OSBP2: variants seen among roughly 807,000 people sequenced by gnomAD.
OSBP2 encodes the protein oxysterol binding protein 2, also known as oxysterol-binding protein 2.
In OSBP2, 66 loss-of-function variants were observed where a neutral mutation model predicts 96.0. That is an observed-to-expected ratio of 0.69 (90% CI 0.56 to 0.84). The LOEUF (loss-of-function observed/expected upper bound fraction) is 0.84. Ranked by LOEUF, OSBP2 falls within the 40% of genes least tolerant of loss-of-function variation. The probability of loss-of-function intolerance (pLI) is 0.00; values close to 1 mark genes in which losing one functional copy is unlikely to be tolerated. For missense variants in OSBP2, 1,038 were observed against 1,222.7 expected (o/e 0.85, Z 2.25); for synonymous variants, 525 against 520.9 (o/e 1.01, Z -0.11).
intron 3 of OSBP2, among the ~76,000 whole-genome samples, chr22:30,875,381 T>C (rs987615458): frequency 1.3e-5 from 2 of 151,930 alleles, no homozygotes; most frequent in Admixed American, 6.5e-5. Flanking sequence ...TTGTTTTTTT[T>C]TTTTCTTTGA....
At chr22:30,775,050 A>G (rs1044351950) in intron 2 of OSBP2, among the ~76,000 whole-genome samples, 1 of 152,158 alleles carries the variant, frequency 6.6e-6, no homozygotes, top group African/African-American at 2.4e-5. Flanking sequence ...TACTATTTTA[A>G]TATTGTGATA....
At chr22:30,730,772 CTCTATATA>C (rs1355582548) in intron 1 of OSBP2, among the ~76,000 whole-genome samples, 6 of 20,576 alleles carry the variant, frequency 2.9e-4, no homozygotes, top group African/African-American at 9.1e-4. Context: ...CTCTCTCTCT[CTCTATATA>C]TATATATATA....
intron 2 of OSBP2, among the ~76,000 whole-genome samples, chr22:30,848,729 C>T (rs1317932279): frequency 3.9e-5 from 6 of 152,104 alleles, no homozygotes; most frequent in African/African-American, 1.4e-4. Context: ...GAGGTTCATC[C>T]ATGTTATGTG....
chr22:30,825,849 C>T (rs1328047453), intron 2 of OSBP2, among the ~76,000 whole-genome samples: 1 of 152,144 alleles, frequency 6.6e-6, no homozygotes, highest in Non-Finnish European at 1.5e-5. Context: ...TCATACTGAG[C>T]CCAGCTCTGA....
upstream of OSBP2, chr22:30,694,026 C>A: frequency 1.3e-6 from 2 of 1,543,018 alleles, no homozygotes; most frequent in South Asian, 1.2e-5. Context: ...ATTCTGGGGT[C>A]ACAGCCTCCT....
intron 2 of OSBP2, among the ~76,000 whole-genome samples, chr22:30,835,923 T>C (rs1399324870): frequency 6.6e-6 from 1 of 152,118 alleles, no homozygotes; most frequent in East Asian, 1.9e-4. Flanking sequence ...TTCACTATGT[T>C]GCCCAGGCTG....
intron 3 of OSBP2, among the ~76,000 whole-genome samples, chr22:30,873,742 C>T (rs1023497191): frequency 5.3e-5 from 8 of 152,236 alleles, no homozygotes; most frequent in Admixed American, 1.3e-4. Flanking sequence ...GTGTGTTTTC[C>T]ACTTTGTGGG....
chr22:30,800,858 T>C (rs1431551597), intron 2 of OSBP2, among the ~76,000 whole-genome samples: 1 of 152,142 alleles, frequency 6.6e-6, no homozygotes, highest in East Asian at 1.9e-4. Flanking sequence ...GGGTCTTCAA[T>C]TTGTGGGCAT....
At chr22:30,724,930 T>C (rs948385164) in intron 1 of OSBP2, among the ~76,000 whole-genome samples, 5 of 152,052 alleles carry the variant, frequency 3.3e-5, no homozygotes, top group Non-Finnish European at 7.4e-5. Context: ...TCCCAGCACT[T>C]TGGGAGGCCG....
intron 2 of OSBP2, among the ~76,000 whole-genome samples, chr22:30,794,508 G>A (rs942991907): frequency 3.3e-5 from 5 of 151,566 alleles, no homozygotes; most frequent in East Asian, 3.9e-4. Context: ...CGAGTGATCC[G>A]CCCGCCTCAG....
intron 12 of OSBP2, among the ~76,000 whole-genome samples, chr22:30,904,906 T>C (rs953189721): frequency 7.2e-5 from 11 of 152,204 alleles, no homozygotes; most frequent in African/African-American, 2.4e-4. Flanking sequence ...AAGGCCAAGA[T>C]AGGCAGACCA....
chr22:30,825,051 TC>T (rs1398628003), intron 2 of OSBP2, among the ~76,000 whole-genome samples: 1 of 152,058 alleles, frequency 6.6e-6, no homozygotes, highest in Non-Finnish European at 1.5e-5. Context: ...GAAGAACAGA[TC>T]CCCACCCTGC....
chr22:30,791,111 G>A (rs1326195200), intron 2 of OSBP2, among the ~76,000 whole-genome samples: 4 of 151,586 alleles, frequency 2.6e-5, no homozygotes, highest in African/African-American at 4.8e-5. Flanking sequence ...AGCCTCCCAA[G>A]TAGCTGAGTG....
At chr22:30,823,068 G>T (rs1395646864) in intron 2 of OSBP2, among the ~76,000 whole-genome samples, 1 of 152,244 alleles carries the variant, frequency 6.6e-6, no homozygotes, top group Non-Finnish European at 1.5e-5. Flanking sequence ...TCGGCCTGGG[G>T]TCCGCATGCC....
At chr22:30,804,171 G>C (rs2090895078) in intron 2 of OSBP2, among the ~76,000 whole-genome samples, 1 of 152,184 alleles carries the variant, frequency 6.6e-6, no homozygotes, top group Non-Finnish European at 1.5e-5. Flanking sequence ...TTACTGCCTA[G>C]GCAAAAGGGA....
chr22:30,747,172 A>T (rs768702013), intron 2 of OSBP2, among the ~76,000 whole-genome samples: 3 of 152,244 alleles, frequency 2.0e-5, no homozygotes, highest in Non-Finnish European at 4.4e-5. Flanking sequence ...AGGTAAATCC[A>T]TAGTGATAGA....
rs114703072 is a variant in OSBP2, at chr22:30,745,912, A to G, written c.853+4543A>G. 5.7e-3 allele frequency among the ~76,000 whole-genome samples: 869 copies of G among 152,314 alleles called. 7 individuals carry two copies. The highest frequency in any genetic ancestry group is 0.02 in the African/African-American group (826 of 41,578). On this transcript the variant is annotated intron_variant, in intron 2 of 13. Transcript: ENST00000332585. ...TTATAAGAACAGGATGAAAAGGATT[A>G]TAATGAACAGTTTATGCCAACAAAT...
chr22:30,743,123 G>C (rs548035924), intron 2 of OSBP2, among the ~76,000 whole-genome samples: 1 of 152,232 alleles, frequency 6.6e-6, no homozygotes, highest in South Asian at 2.1e-4. Flanking sequence ...CAGGGCTCCA[G>C]GTGAGAAGGG....
intron 2 of OSBP2, among the ~76,000 whole-genome samples, chr22:30,850,758 C>T (rs1259300208): frequency 1.3e-5 from 2 of 152,192 alleles, no homozygotes; most frequent in Non-Finnish European, 2.9e-5. Flanking sequence ...CTGGGCCTCC[C>T]AAAATGCTGG....
Sources: gnomAD v4.1 joint callset for allele counts (sites outside exome capture counted in the v4.1 genomes callset) on GRCh38, gnomAD v4.1.1 for gene constraint, MANE v1.5 for transcripts, NCBI Gene and HGNC (gene_info 2026-07-23, HGNC 2026-07-21) for gene names.